The following STAB1 variants were observed in gnomAD, a reference collection of about 807,000 sequenced individuals.
STAB1 encodes the protein stabilin 1, also known as stabilin-1.
A neutral mutation model predicts 332.4 loss-of-function variants in STAB1; 250 were observed. The ratio of observed to expected loss-of-function variants is 0.75; its 90% CI spans 0.68 to 0.84. The LOEUF is 0.84. Ranked by LOEUF, STAB1 falls within the 40% of genes least tolerant of loss-of-function variation. STAB1 has a pLI of 0.00. For missense variants in STAB1, 3,249 were observed against 3,489.7 expected, an observed-to-expected ratio of 0.93 and a Z score of 1.74; for synonymous variants, 1,475 against 1,390.4, an observed-to-expected ratio of 1.06 and a Z score of -1.35.
intron 2 of STAB1, 69 bp from the exon 3 acceptor site, chr3:52,501,569 T>G: frequency 5.0e-6 from 7 of 1,398,642 alleles, no homozygotes; most frequent in Non-Finnish European, 5.9e-6. Context: ...CGGAAGCCAA[T>G]GTGGGGAGGC....
intron 1 of STAB1, among the ~76,000 whole-genome samples, chr3:52,497,524 T>TGAATCCCTTGGGA (rs1708128211): frequency 6.6e-6 from 1 of 150,452 alleles, no homozygotes; most frequent in Non-Finnish European, 1.5e-5. Context: ...GGGATTCTCC[T>TGAATCCCTTGGGA]GACTCAGCCT....
chr3:52,504,928 G>A (rs1377451860), intron 12 of STAB1, 52 bp downstream of exon 12: 2 of 1,613,072 alleles, frequency 1.2e-6, no homozygotes, highest in Non-Finnish European at 1.7e-6. Context: ...CCTGGCAAGG[G>A]TGTGCAGGTG....
chr3:52,501,549 G>T, intron 2 of STAB1, 89 bp from the exon 3 acceptor site: 1 of 1,291,282 alleles, frequency 7.7e-7, no homozygotes, highest in South Asian at 1.3e-5. Flanking sequence ...AGGGAGGTGG[G>T]TGGGAGCCCC....
In STAB1 at chr3:52,522,849, G is replaced by A. The variant is rs146384846; in HGVS notation, c.6819G>A (p.Ala2273=). ...STAHPVVFPV[A]DCGNGRVGIV... is the part of the protein sequence containing the mutation. ...CCCACCCTGTGGTTTTCCCTGTGGC[G>A]GACTGTGGCAATGGTCGGGTGGGCA... Residue 2273 remains alanine (A), a synonymous_variant, in exon 62 of 69, where the codon GCG becomes GCA. Transcript: ENST00000321725. 6.4e-4 allele frequency: 1,027 copies of A among 1,613,312 alleles called. No individual in the cohort carries two copies. The highest frequency in any genetic ancestry group is 3.1e-3 in the Middle Eastern group (19 of 6,062).
rs1441895405 is a variant in STAB1 at position 52,513,211 on chromosome 3, C to T, written c.3240C>T (p.Thr1080=). 1 of 1,584,898 alleles carries T rather than the reference C, an allele frequency of 6.3e-7. No homozygotes were observed. The highest frequency in any genetic ancestry group is 1.8e-5 in the Admixed American group (1 of 55,286). ...AGGAAGTGGCCACCCTGAACCCCACCACACGCTGGGAGATTCGCAACATTA... is the reference window on the plus strand; with the variant it reads ...AGGAAGTGGCCACCCTGAACCCCACTACACGCTGGGAGATTCGCAACATTA... ...GGQEVATLNP[T]TRWEIRNISG... is the part of the protein sequence containing the mutation. The change falls in exon 30 of 69, where the codon ACC becomes ACT. Residue 1080 remains threonine, a synonymous_variant. Transcript: ENST00000321725.
chr3:52,501,903 G>C, intron 3 of STAB1, 103 bp from the exon 4 acceptor site: 1 of 1,489,254 alleles, frequency 6.7e-7, no homozygotes, highest in Non-Finnish European at 9.2e-7. Context: ...CCTTGCTCTT[G>C]CTTCCTTGGG....
chr3:52,517,736 A>G, intron 44 of STAB1, 112 bp downstream of exon 44: 1 of 1,552,250 alleles, frequency 6.4e-7, no homozygotes, highest in South Asian at 1.2e-5. Flanking sequence ...AGGGTGGGCT[A>G]TCCTCCCGTC....
Position 52,524,419 on chromosome 3 carries a change from G to C in STAB1, c.*63G>C. 1 of 1,612,178 alleles carries C rather than the reference G, an allele frequency of 6.2e-7. No homozygotes were observed. On this transcript the variant is annotated 3_prime_UTR_variant, in exon 69 of 69. Coordinates refer to ENST00000321725, the MANE Select transcript of STAB1 (RefSeq NM_015136.3). ...GAGACCACTTTTATTGCTTGTCTGG[G>C]TGGATGGGGCAGGAGGGGCTGAGGG...
intron 32 of STAB1, 57 bp from the exon 33 acceptor site, chr3:52,514,058 C>A: frequency 6.2e-7 from 1 of 1,600,060 alleles, no homozygotes; most frequent in Non-Finnish European, 8.5e-7. Flanking sequence ...CTGGCTGGCT[C>A]CCAGTGTCAG....
intron 48 of STAB1, 114 bp from the exon 49 acceptor site, chr3:52,519,150 C>G: frequency 2.2e-6 from 3 of 1,362,758 alleles, no homozygotes; most frequent in Non-Finnish European, 3.0e-6. Context: ...TCCCGAAGAA[C>G]CGGGACTGCC....
Position 52,520,881 on chromosome 3 carries a change from C to T in STAB1, c.5784C>T (p.Ser1928=), listed in dbSNP as rs750567850. 35 of 1,611,848 alleles carry T rather than the reference C, an allele frequency of 2.2e-5. No homozygotes were observed. Among genetic ancestry groups the T allele is most frequent in the Non-Finnish European group, 2.5e-5 (30 of 1,179,634 alleles). The change falls in exon 55 of 69, where the codon AGC becomes AGT. Residue 1928 remains serine, a synonymous_variant. Coordinates refer to ENST00000321725, the MANE Select transcript of STAB1 (RefSeq NM_015136.3). ...CGCTGCACTCTTTGGGATTACGCAG[C>T]GTCTGGGTCCACCCCAGCCTTTGGG... ...SPPLHSLGLR[S]VWVHPSLWGR...
In STAB1 at chr3:52,507,605, C is replaced by G; in HGVS notation, c.1990-8C>G. The G allele has an allele frequency of 1.2e-6, 2 of 1,612,994 alleles. No homozygotes were observed. Among genetic ancestry groups the G allele is most frequent in the South Asian group, 2.2e-5 (2 of 91,008 alleles). Reference sequence around the variant, plus strand: ...CCCCTCTCCCCATCCTGCCCCTGCCCTGCCCAGGGCTCCTGTGTGGACTGC... The same window carrying G: ...CCCCTCTCCCCATCCTGCCCCTGCCGTGCCCAGGGCTCCTGTGTGGACTGC... On this transcript the variant is annotated splice_polypyrimidine_tract_variant and splice_region_variant and intron_variant, in intron 18 of 68. Coordinates refer to ENST00000321725, the MANE Select transcript of STAB1 (RefSeq NM_015136.3).
chr3:52,498,025 C>T (rs1416261428), intron 1 of STAB1, among the ~76,000 whole-genome samples: 1 of 152,098 alleles, frequency 6.6e-6, no homozygotes, highest in African/African-American at 2.4e-5. Context: ...CGGTCCAGAA[C>T]CCAGCCCTGC....
rs769057255 is a variant in STAB1, at chr3:52,501,238, A to G, written c.151A>G (p.Lys51Glu). 7 of 1,613,664 alleles carry G rather than the reference A, an allele frequency of 4.3e-6. No individual in the cohort carries two copies. In the Admixed American group the frequency reaches 5.0e-5, roughly 12 times the overall value. ...HVPCTSCAAI[K>E]KQTCPSGWLR... is the part of the protein sequence containing the mutation. ...ACCCTGCACCTCGTGCGCGGCCATC[A>G]AGAAGCAGACGTGTCCCTCAGGCTG... The change falls in exon 2 of 69, where the codon AAG (lysine) becomes GAG (glutamate). Residue 51 changes from lysine (K) to glutamate (E), a missense_variant. Coordinates refer to ENST00000321725, the MANE Select transcript of STAB1 (RefSeq NM_015136.3).
In STAB1 at chr3:52,512,855, CGCCGAGTCACA is replaced by C; in HGVS notation, c.3059_3069del (p.Arg1020ProfsTer66). 6.2e-7 allele frequency: 1 copy of C among 1,610,364 alleles called. No individual in the cohort carries two copies. The highest frequency in any genetic ancestry group is 1.1e-5 in the South Asian group (1 of 91,044). On this transcript the variant is annotated frameshift_variant, in exon 29 of 69. Coordinates refer to ENST00000321725, the MANE Select transcript of STAB1 (RefSeq NM_015136.3). LOFTEE classifies it high-confidence loss of function. ...TGCCGGCATCACGCTTCCTGCCGAC[CGCCGAGTCACA>C]GCCCTGGTGCCCTCCGAGGCTGCAG...
Position 52,503,433 on chromosome 3 carries a change from A to AAC in STAB1, c.785_786dup (p.Tyr263ThrfsTer73). 1 of 1,613,790 alleles carries AAC rather than the reference A, an allele frequency of 6.2e-7. No homozygotes were observed. The highest frequency in any genetic ancestry group is 1.1e-5 in the South Asian group (1 of 91,086). ...GCAGGCTCAGTGTCACTGCCCTGAG[A>AAC]ACTACCATGGCGATGGGATGGTGTG... On this transcript the variant is annotated frameshift_variant, in exon 8 of 69. Transcript: ENST00000321725. LOFTEE classifies it high-confidence loss of function.
chr3:52,505,946 C>T lies in STAB1; in HGVS notation c.1749+10C>T. ...CTACAACCACGGCCAGGTGCGAGGT[C>T]TTTTTCTGGGGGGCGGCCAGCTTGT... On this transcript the variant is annotated intron_variant, in intron 16 of 68. Transcript: ENST00000321725. 6.2e-7 allele frequency: 1 copy of T among 1,613,428 alleles called. No individual in the cohort carries two copies. Among genetic ancestry groups the T allele is most frequent in the Non-Finnish European group, 8.5e-7 (1 of 1,180,026 alleles).
At position 52,520,112 on chromosome 3, in the gene STAB1, A is replaced by T. The variant is rs1168043667; in HGVS notation, c.5404A>T (p.Asn1802Tyr). Residue 1802 changes from asparagine to tyrosine, a missense_variant, in exon 51 of 69, where the codon AAT (asparagine) becomes TAT (tyrosine). Transcript: ENST00000321725. ...CATTCTGCGGGGCCACATGATTCGC[A>T]ATGTCGAGGTGGGTGCAGCCCCCAA... Reference protein sequence around the residue: ...AAILRGHMIRNVEALASDLPN... With the variant: ...AAILRGHMIRYVEALASDLPN... 1.2e-6 allele frequency: 2 copies of T among 1,607,312 alleles called. No homozygotes were observed. The highest frequency in any genetic ancestry group is 1.6e-4 in the Middle Eastern group (1 of 6,066).
chr3:52,521,716 C>G lies in STAB1; in HGVS notation c.6163+16C>G. The G allele has an allele frequency of 6.2e-7, 1 of 1,612,026 alleles. No individual in the cohort carries two copies. The highest frequency in any genetic ancestry group is 1.3e-5 in the African/African-American group (1 of 75,048). ...GTGCAACTGGGTGAGTAGCCCCGTG[C>G]TCGTGCCCACCCTACACACTTGTGT... On this transcript the variant is annotated intron_variant, in intron 57 of 68. Coordinates refer to ENST00000321725, the MANE Select transcript of STAB1 (RefSeq NM_015136.3).
Sources: allele counts gnomAD v4.1 joint callset (sites outside exome capture counted in the v4.1 genomes callset), GRCh38; gene constraint gnomAD v4.1.1; transcripts MANE v1.5; gene names NCBI Gene and HGNC (gene_info 2026-07-23, HGNC 2026-07-21).